The following VWF variants were observed in gnomAD, a reference collection of about 807,000 sequenced individuals.
VWF encodes von Willebrand factor.
In VWF, 176 loss-of-function variants were observed where a neutral mutation model predicts 308.6. The observed-to-expected ratio is 0.57, with a 90% confidence interval of 0.50 to 0.65. The LOEUF is 0.65. VWF is among the 30% of genes least tolerant of loss of function. The pLI is 0.00. For synonymous variants in VWF, 1,385 were observed against 1,443.4 expected (o/e 0.96, Z 0.92); for missense variants, 3,146 against 3,648.2 (o/e 0.86, Z 3.55).
chr12:6,079,554 G>A (rs1329668147), intron 6 of VWF, among the ~76,000 whole-genome samples: 1 of 151,722 alleles, frequency 6.6e-6, no homozygotes, highest in Non-Finnish European at 1.5e-5. Flanking sequence ...CGCTTGCAGT[G>A]AGCTGAGATC....
At position 5,949,687 on chromosome 12, in the gene VWF, C is replaced by G. The variant is rs1019651723; in HGVS notation, c.8253+99G>C. On this transcript the variant is annotated intron_variant, in intron 51 of 51. Coordinates refer to ENST00000261405, the MANE Select transcript of VWF (RefSeq NM_000552.5). ...CAGTTTATTTCCCTTCTCTTCCCTGCGAATTTTCCAGATCCTTCTAGAATG... is the reference window on the plus strand; with the variant it reads ...CAGTTTATTTCCCTTCTCTTCCCTGGGAATTTTCCAGATCCTTCTAGAATG... 3 of 1,266,622 alleles carry G rather than the reference C, an allele frequency of 2.4e-6. No homozygotes were observed. In the African/African-American group the frequency reaches 4.4e-5, roughly 19 times the overall value. The allele number at this position is 1,266,622 out of a possible 1,614,324, so 78.5% of individuals were successfully genotyped here.
At chr12:6,035,348 G>A (rs1944324136) in intron 19 of VWF, among the ~76,000 whole-genome samples, 1 of 152,206 alleles carries the variant, frequency 6.6e-6, no homozygotes, top group African/African-American at 2.4e-5. Flanking sequence ...GATGTATGTA[G>A]CTACATGTTA....
rs141566354 is a variant in VWF, at chr12:6,087,096, G to C, written c.657+8364C>G. The stretch of plus-strand genomic sequence containing the variant: ...TAATAAACACCAAATTCAGAGACCA[G>C]TGGAAAACAGGAAATCTGAGGCTAT... On this transcript the variant is annotated intron_variant, in intron 6 of 51. Coordinates refer to ENST00000261405, the MANE Select transcript of VWF (RefSeq NM_000552.5). Among the ~76,000 whole-genome samples, 161 of 152,258 alleles carry C rather than the reference G, an allele frequency of 1.1e-3. 2 individuals carry two copies. The South Asian group carries it at 0.011, about 10-fold the overall frequency.
At chr12:6,009,043 T>C (rs1218044693) in intron 34 of VWF, among the ~76,000 whole-genome samples, 1 of 152,140 alleles carries the variant, frequency 6.6e-6, no homozygotes, top group Admixed American at 6.5e-5. Context: ...TTCTTGGATA[T>C]CATTGCCAAA....
Position 6,044,466 on chromosome 12 carries a change from A to G in VWF, c.2282-15T>C. The G allele has an allele frequency of 6.2e-7, 1 of 1,613,562 alleles. No homozygotes were observed. Among genetic ancestry groups the G allele is most frequent in the East Asian group, 2.2e-5 (1 of 44,868 alleles). On this transcript the variant is annotated splice_polypyrimidine_tract_variant and intron_variant, in intron 17 of 51. Coordinates refer to ENST00000261405, the MANE Select transcript of VWF (RefSeq NM_000552.5). ...GCTCCTTTTGCCTCGAAGGTAGGAA[A>G]AGCAAAGAGATGATTAGTGAAGGAG...
At chr12:6,054,660 C>T (rs11832009) in intron 15 of VWF, among the ~76,000 whole-genome samples, 50,582 of 152,048 alleles carry the variant, frequency 0.33, 9,637 homozygotes, top group African/African-American at 0.52. Context: ...CCTGTCTTCC[C>T]AAAGGGAGCA....
rs1943158921 is a variant in VWF at position 5,949,778 on chromosome 12, G to C, written c.8253+8C>G. On this transcript the variant is annotated splice_region_variant and intron_variant, in intron 51 of 51. Transcript: ENST00000261405. Reference sequence around the variant, plus strand: ...CACACCCAGCCCTTATTGAAGCAGAGCCCTTACCTGGCAGTAGTGGATATC... The same window carrying C: ...CACACCCAGCCCTTATTGAAGCAGACCCCTTACCTGGCAGTAGTGGATATC... 1.2e-6 allele frequency: 2 copies of C among 1,613,806 alleles called. No individual in the cohort carries two copies. Among genetic ancestry groups the C allele is most frequent in the African/African-American group, 1.3e-5 (1 of 74,916 alleles).
rs1185704189 is a variant in VWF, at chr12:6,092,344, G to GT, written c.657+3115dup. Among the ~76,000 whole-genome samples the GT allele has an allele frequency of 3.4e-3, 497 of 146,404 alleles. 5 individuals carry two copies. Among genetic ancestry groups the GT allele is most frequent in the African/African-American group, 0.011 (428 of 40,092 alleles). On this transcript the variant is annotated intron_variant, in intron 6 of 51. Coordinates refer to ENST00000261405, the MANE Select transcript of VWF (RefSeq NM_000552.5). ...CAGGGACTCCCTTCCCTTTTTGCGG[G>GT]TTTTTTTTTTTCTTTTGAGACAGGG...
intron 5 of VWF, among the ~76,000 whole-genome samples, chr12:6,106,963 T>C (rs927925671): frequency 6.6e-6 from 1 of 151,660 alleles, no homozygotes; most frequent in Admixed American, 6.6e-5. Context: ...TGTAGAAATC[T>C]ATACACAAAT....
At chr12:6,112,891 C>G (rs2136525551) in intron 3 of VWF, among the ~76,000 whole-genome samples, 1 of 152,090 alleles carries the variant, frequency 6.6e-6, no homozygotes, top group East Asian at 1.9e-4. Context: ...TAAGCATGCA[C>G]CCTGGAACAC....
Position 6,019,794 on chromosome 12 carries a change from A to C in VWF, c.3675-51T>G. 6.4e-7 allele frequency: 1 copy of C among 1,552,858 alleles called. No individual in the cohort carries two copies. The highest frequency in any genetic ancestry group is 8.7e-7 in the Non-Finnish European group (1 of 1,147,726). ...AATGGTTCAGGAAGAACCTGTGGAC[A>C]CTTCTGAGCCCTACAGTGTACAATG... On this transcript the variant is annotated intron_variant, in intron 27 of 51. Transcript: ENST00000261405. This position sits in a 1 kb window ranked among gnomAD's most constrained non-coding sequence, Gnocchi z 5.8.
At chr12:5,952,907 G>A (rs567016351) in intron 48 of VWF, among the ~76,000 whole-genome samples, 138 of 152,244 alleles carry the variant, frequency 9.1e-4, no homozygotes, top group African/African-American at 2.8e-3. Flanking sequence ...TCTTACAGAC[G>A]CCCAAGGGTA....
In VWF at chr12:5,981,980, C is replaced by G. The variant is rs1943611620; in HGVS notation, c.7093G>C (p.Glu2365Gln). The change falls in exon 42 of 52, where the codon GAG (glutamate) becomes CAG (glutamine). Residue 2365 changes from glutamate to glutamine, a missense_variant. Coordinates refer to ENST00000261405, the MANE Select transcript of VWF (RefSeq NM_000552.5). ...GGTGGGGACACTCTTTTGCACTCCT[C>G]CTTCCTGCAGGCTGAGGGTAGGACA... Reference protein sequence around the residue: ...RPNFTCACRKEECKRVSPPSC... With the variant: ...RPNFTCACRKQECKRVSPPSC... 1.2e-6 allele frequency: 2 copies of G among 1,613,658 alleles called. No individual in the cohort carries two copies.
rs371942897 is a variant in VWF, at chr12:6,072,459, C to G, written c.998-17G>C. On this transcript the variant is annotated splice_polypyrimidine_tract_variant and intron_variant, in intron 8 of 51. Coordinates refer to ENST00000261405, the MANE Select transcript of VWF (RefSeq NM_000552.5). ...GCTGTCCCTCTGGGGTCAAGGGCAT[C>G]AAGACAAAGGCCTCAACATTGTCAT... The G allele has an allele frequency of 6.3e-7, 1 of 1,598,836 alleles. No homozygotes were observed.
chr12:6,120,206 C>T (rs1209952826), intron 3 of VWF, among the ~76,000 whole-genome samples: 4 of 152,178 alleles, frequency 2.6e-5, no homozygotes, highest in South Asian at 4.1e-4. Context: ...CCAGGTGTTG[C>T]CAAAGACTCC....
At chr12:6,100,822 G>A (rs1401536030) in intron 5 of VWF, among the ~76,000 whole-genome samples, 2 of 151,954 alleles carry the variant, frequency 1.3e-5, no homozygotes, top group African/African-American at 2.4e-5. Flanking sequence ...CAGCACACCA[G>A]CATGGCACAT....
intron 34 of VWF, among the ~76,000 whole-genome samples, chr12:6,007,868 C>G (rs1421445734): frequency 6.6e-6 from 1 of 152,024 alleles, no homozygotes; most frequent in Non-Finnish European, 1.5e-5. Context: ...GCTTACATTA[C>G]AATTGATAGC....
intron 6 of VWF, among the ~76,000 whole-genome samples, chr12:6,078,838 C>G (rs909209013): frequency 1.3e-5 from 2 of 152,218 alleles, no homozygotes; most frequent in Admixed American, 1.3e-4. Flanking sequence ...CCAAATCACT[C>G]TTTTCCCACT....
chr12:6,124,046 T>A (rs1945460384), intron 1 of VWF, among the ~76,000 whole-genome samples: 5 of 152,044 alleles, frequency 3.3e-5, no homozygotes, highest in Admixed American at 3.3e-4. Flanking sequence ...CTGTGATACA[T>A]CTGTGGAAGG....
Sources: allele counts gnomAD v4.1 joint callset (sites outside exome capture counted in the v4.1 genomes callset), GRCh38; gene constraint gnomAD v4.1.1; non-coding constraint Gnocchi (gnomAD v3.1); transcripts MANE v1.5; gene names NCBI Gene and HGNC (gene_info 2026-07-23, HGNC 2026-07-21).